PREP: variants seen among roughly 807,000 people sequenced by gnomAD.
PREP encodes prolyl endopeptidase.
PREP carries 29 observed loss-of-function variants against 87.6 expected under a neutral mutation model. The ratio of observed to expected loss-of-function variants is 0.33; its 90% confidence interval spans 0.25 to 0.45. PREP has a LOEUF of 0.45. Among genes scored for constraint, PREP ranks in the 20% least tolerant of loss-of-function variants. The pLI, the probability that PREP is intolerant of heterozygous loss-of-function variation, is 1.00. For missense variants in PREP, 695 were observed against 886.5 expected (o/e 0.78, Z 2.74); for synonymous variants, 337 against 328.6 (o/e 1.03, Z -0.28).
intron 6 of PREP, among the ~76,000 whole-genome samples, chr6:105,359,902 C>T (rs758123893): frequency 1.3e-5 from 2 of 152,118 alleles, no homozygotes; most frequent in African/African-American, 2.4e-5. Flanking sequence ...TGCGATCGTT[C>T]GTCACACAGG....
intron 2 of PREP, among the ~76,000 whole-genome samples, chr6:105,381,401 CTTGG>C: frequency 6.6e-6 from 1 of 151,714 alleles, no homozygotes; most frequent in East Asian, 1.9e-4. Flanking sequence ...GGTATATCAT[CTTGG>C]TTGATCTAAA....
chr6:105,349,640 C>G (rs1771892553), intron 7 of PREP, among the ~76,000 whole-genome samples: 1 of 151,844 alleles, frequency 6.6e-6, no homozygotes, highest in African/African-American at 2.4e-5. Context: ...TTAATTTATA[C>G]AAAAATGCTG....
intron 9 of PREP, among the ~76,000 whole-genome samples, chr6:105,325,353 GT>G: frequency 6.6e-6 from 1 of 152,196 alleles, no homozygotes; most frequent in Admixed American, 6.5e-5. Flanking sequence ...AGCTCTGAAA[GT>G]TGCTAGCTCA....
intron 6 of PREP, among the ~76,000 whole-genome samples, chr6:105,364,124 G>A (rs974537882): frequency 5.9e-5 from 9 of 152,222 alleles, no homozygotes; most frequent in African/African-American, 2.2e-4. Flanking sequence ...AAGGAGAGGG[G>A]CTTGGCAAAC....
intron 7 of PREP, among the ~76,000 whole-genome samples, chr6:105,344,524 T>C (rs1459624013): frequency 6.6e-6 from 1 of 150,948 alleles, no homozygotes; most frequent in Admixed American, 6.6e-5. Context: ...GTTCATGTCC[T>C]TTGTAGGGAC....
intron 4 of PREP, among the ~76,000 whole-genome samples, 182 bp from the exon 5 acceptor site, chr6:105,373,760 A>G (rs537336156): frequency 6.6e-6 from 1 of 152,344 alleles, no homozygotes; most frequent in Admixed American, 6.5e-5. Flanking sequence ...TTACCCTTAT[A>G]ACCTTAGACA....
intron 2 of PREP, among the ~76,000 whole-genome samples, chr6:105,387,519 A>G (rs1298782094): frequency 3.3e-5 from 5 of 152,088 alleles, no homozygotes; most frequent in Non-Finnish European, 5.9e-5. Context: ...AGCAGTGTCC[A>G]GTCTTTTGGC....
At chr6:105,318,439 T>G (rs753719553) in intron 10 of PREP, among the ~76,000 whole-genome samples, 14 of 152,140 alleles carry the variant, frequency 9.2e-5, no homozygotes, top group Non-Finnish European at 1.9e-4. Context: ...AACTACAGAC[T>G]TCAGCCACAT....
chr6:105,399,016 G>C (rs1042047985), intron 1 of PREP, among the ~76,000 whole-genome samples: 2 of 151,890 alleles, frequency 1.3e-5, no homozygotes, highest in African/African-American at 4.8e-5. Flanking sequence ...CTAAGGCAGG[G>C]GAGTCTCCTG....
At chr6:105,336,395 T>G (rs1771479508) in intron 7 of PREP, among the ~76,000 whole-genome samples, 1 of 152,254 alleles carries the variant, frequency 6.6e-6, no homozygotes, top group Non-Finnish European at 1.5e-5. Context: ...ATATATTTAC[T>G]GATTTCTTTT....
intron 10 of PREP, chr6:105,322,311 G>C (rs11883): frequency 0.14 from 126,885 of 909,884 alleles, 13,850 homozygotes; most frequent in African/African-American, 0.54. Context: ...GAAAAAAATA[G>C]ATTATATTCT....
chr6:105,370,060 T>C (rs1772494765), intron 5 of PREP, among the ~76,000 whole-genome samples: 1 of 152,084 alleles, frequency 6.6e-6, no homozygotes, highest in African/African-American at 2.4e-5. Flanking sequence ...GAGACCAGCC[T>C]GACCAACATG....
chr6:105,277,928 G>A lies in PREP; in HGVS notation c.*216C>T, dbSNP rs183689671. ...TAAAAAAAACACCAAAAAACCACATGTGCCTAGACAGGGTGGAAAAAGAAA... is the reference window on the plus strand; with the variant it reads ...TAAAAAAAACACCAAAAAACCACATATGCCTAGACAGGGTGGAAAAAGAAA... On this transcript the variant is annotated 3_prime_UTR_variant, in exon 15 of 15. Transcript: ENST00000652536. The A allele has an allele frequency of 1.6e-4, 102 of 654,416 alleles. No individual in the cohort carries two copies. Among genetic ancestry groups the A allele is most frequent in the Admixed American group, 4.4e-4 (14 of 31,590 alleles). 40.5% of individuals were successfully genotyped at this position (654,416 alleles called of 1,614,324 possible).
At chr6:105,281,096 CCAAGGTCAAA>C in intron 14 of PREP, 1 of 152,150 alleles carries the variant, frequency 6.6e-6, no homozygotes, top group Non-Finnish European at 1.5e-5. Flanking sequence ...TCTGGGTCTT[CCAAGGTCAAA>C]GAAGGTCAAA....
chr6:105,386,068 C>T (rs749204441), intron 2 of PREP, among the ~76,000 whole-genome samples: 2 of 152,054 alleles, frequency 1.3e-5, no homozygotes, highest in Admixed American at 6.6e-5. Context: ...TGCAGTGAGC[C>T]GAGATAGCAC....
At position 105,287,454 on chromosome 6, in the gene PREP, G is replaced by C. The variant is rs1277655312; in HGVS notation, c.1454+1304C>G. ...GATTTTACACAAAAACCTCCCATCA[G>C]CTCCTTGCTAACAAAAGGATAAATG... On this transcript the variant is annotated intron_variant, in intron 11 of 14. Transcript: ENST00000652536. 2.6e-5 allele frequency among the ~76,000 whole-genome samples: 4 copies of C among 152,080 alleles called. No individual in the cohort carries two copies. In the East Asian group the frequency reaches 7.7e-4, roughly 29 times the overall value.
chr6:105,297,313 G>A (rs1190053), intron 10 of PREP, among the ~76,000 whole-genome samples: 13,842 of 152,120 alleles, frequency 0.091, 720 homozygotes, highest in African/African-American at 0.13. Flanking sequence ...TCCTCTCATC[G>A]GCTACAGTGG....
Position 105,276,242 on chromosome 6 carries a change from T to C in PREP, c.*1902A>G, listed in dbSNP as rs1769927982. On this transcript the variant is annotated 3_prime_UTR_variant, in exon 15 of 15. Transcript: ENST00000652536. ...AAGAGAACTCGTAACTGGAGGCCAA[T>C]CATGCTAGGCATTAAAAACGTATTA... Among the ~76,000 whole-genome samples the C allele has an allele frequency of 6.6e-6, 1 of 152,228 alleles. No homozygotes were observed. The highest frequency in any genetic ancestry group is 1.5e-5 in the Non-Finnish European group (1 of 68,046).
intron 12 of PREP, among the ~76,000 whole-genome samples, chr6:105,284,296 TCTGCTGTCAGCCC>T (rs930396471): frequency 1.3e-5 from 2 of 151,754 alleles, no homozygotes; most frequent in Non-Finnish European, 2.9e-5. Flanking sequence ...ACTTGAGGAG[TCTGCTGTCAGCCC>T]CTGGGGTGCA....
Sources: allele counts gnomAD v4.1 joint callset (sites outside exome capture counted in the v4.1 genomes callset), GRCh38; gene constraint gnomAD v4.1.1; transcripts MANE v1.5; gene names NCBI Gene and HGNC (gene_info 2026-07-23, HGNC 2026-07-21).